SLMAP: variants seen among roughly 807,000 people sequenced by gnomAD.
SLMAP encodes the protein sarcolemmal membrane-associated protein.
In SLMAP, 44 loss-of-function variants were observed where a neutral mutation model predicts 128.8. That is an observed-to-expected ratio of 0.34 (90% CI 0.27 to 0.44). The LOEUF (loss-of-function observed/expected upper bound fraction) is 0.44. Ranked by LOEUF, SLMAP falls within the 20% of genes least tolerant of loss-of-function variation. The pLI is 1.00. For synonymous variants in SLMAP, 327 were observed against 348.8 expected (o/e 0.94, Z 0.70); for missense variants, 787 against 985.3 (o/e 0.80, Z 2.69).
rs143175640 is a variant in SLMAP at position 57,766,637 on chromosome 3, A to G, written c.198+8788A>G. On this transcript the variant is annotated intron_variant, in intron 2 of 24. Coordinates refer to ENST00000671191, the MANE Select transcript of SLMAP (RefSeq NM_001377540.1). ...TGCCTCATTAATTTTTAGCATTAAA[A>G]TCTATATCTTATTTTCTTTTTTTCT... Among the ~76,000 whole-genome samples the G allele has an allele frequency of 4.3e-3, 650 of 152,230 alleles. 2 individuals carry two copies. The highest frequency in any genetic ancestry group is 0.014 in the Middle Eastern group (4 of 294).
chr3:57,809,615 C>A (rs2090563376), intron 2 of SLMAP, among the ~76,000 whole-genome samples: 1 of 152,186 alleles, frequency 6.6e-6, no homozygotes, highest in Non-Finnish European at 1.5e-5. Flanking sequence ...ACCTTCAGAC[C>A]AGTGAGGGCC....
chr3:57,923,914 G>A (rs1355792806), intron 23 of SLMAP, among the ~76,000 whole-genome samples: 1 of 152,248 alleles, frequency 6.6e-6, no homozygotes, highest in African/African-American at 2.4e-5. Context: ...AAGTCTTGCT[G>A]CTTAGGTAGA....
chr3:57,830,292 GCCA>G (rs1475488154), intron 2 of SLMAP, among the ~76,000 whole-genome samples: 1 of 152,326 alleles, frequency 6.6e-6, no homozygotes, highest in East Asian at 1.9e-4. Flanking sequence ...ACAGGCGTGA[GCCA>G]CCACACCTGG....
At chr3:57,914,483 G>C (rs1484611158) in intron 21 of SLMAP, among the ~76,000 whole-genome samples, 1 of 151,928 alleles carries the variant, frequency 6.6e-6, no homozygotes, top group Non-Finnish European at 1.5e-5. Flanking sequence ...AAATAGGAAT[G>C]GGACAAAATA....
chr3:57,859,898 C>T (rs533763984), intron 8 of SLMAP, among the ~76,000 whole-genome samples: 17 of 152,194 alleles, frequency 1.1e-4, no homozygotes, highest in East Asian at 9.6e-4. Flanking sequence ...ATGTTTTCTA[C>T]GGGGAAAGCA....
intron 17 of SLMAP, among the ~76,000 whole-genome samples, chr3:57,906,052 A>T (rs1316862092): frequency 7.5e-6 from 1 of 133,502 alleles, no homozygotes; most frequent in African/African-American, 3.0e-5. Flanking sequence ...ATACTCCTTA[A>T]AAAAAAAAAA....
At chr3:57,833,139 T>G (rs148412659) in intron 3 of SLMAP, among the ~76,000 whole-genome samples, 2 of 152,312 alleles carry the variant, frequency 1.3e-5, no homozygotes, top group African/African-American at 4.8e-5. Context: ...AGGGAATTAT[T>G]AGGTGTTGAT....
intron 15 of SLMAP, among the ~76,000 whole-genome samples, chr3:57,895,149 TA>T (rs1045256250): frequency 6.6e-5 from 10 of 150,998 alleles, no homozygotes; most frequent in African/African-American, 2.2e-4. Flanking sequence ...AGGAATTCCA[TA>T]GTATGTACAG....
intron 5 of SLMAP, among the ~76,000 whole-genome samples, chr3:57,848,146 C>T (rs541454305): frequency 3.3e-5 from 5 of 151,908 alleles, no homozygotes; most frequent in South Asian, 4.2e-4. Flanking sequence ...CCCAGTAGTC[C>T]TTCTTCCTTC....
At chr3:57,763,788 C>A (rs1175122948) in intron 2 of SLMAP, among the ~76,000 whole-genome samples, 3 of 152,072 alleles carry the variant, frequency 2.0e-5, no homozygotes, top group African/African-American at 7.2e-5. Flanking sequence ...TGACATTTGA[C>A]TTTAAAATTA....
Position 57,892,238 on chromosome 3 carries a change from T to C in SLMAP, c.1360+2138T>C, listed in dbSNP as rs151193936. ...TGGCTAAATTGTCTTTAATTGGCAA[T>C]GTTTTTGGTGGAATTTTCTTGTTTG... On this transcript the variant is annotated intron_variant, in intron 15 of 24. Transcript: ENST00000671191. Among the ~76,000 whole-genome samples, 126 of 152,292 alleles carry C rather than the reference T, an allele frequency of 8.3e-4. 1 individual carries two copies. Among genetic ancestry groups the C allele is most frequent in the African/African-American group, 2.6e-3 (107 of 41,574 alleles).
intron 5 of SLMAP, among the ~76,000 whole-genome samples, chr3:57,849,331 T>C (rs770837151): frequency 6.6e-6 from 1 of 152,220 alleles, no homozygotes; most frequent in Non-Finnish European, 1.5e-5. Flanking sequence ...ACACCATTAC[T>C]TCCCATCTTT....
Position 57,890,029 on chromosome 3 carries a change from T to C in SLMAP, c.1301-12T>C, listed in dbSNP as rs376904413. On this transcript the variant is annotated splice_polypyrimidine_tract_variant and intron_variant, in intron 14 of 24. Coordinates refer to ENST00000671191, the MANE Select transcript of SLMAP (RefSeq NM_001377540.1). Reference sequence around the variant, plus strand: ...TTTGGGCTTGGATGGTAACGTTTATTTTCCTTGGCAGAGAAGCTGATCGTC... The same window carrying C: ...TTTGGGCTTGGATGGTAACGTTTATCTTCCTTGGCAGAGAAGCTGATCGTC... 187 of 1,605,282 alleles carry C rather than the reference T, an allele frequency of 1.2e-4. 2 individuals are homozygous for C. The South Asian group carries it at 1.9e-3, about 16-fold the overall frequency.
intron 17 of SLMAP, chr3:57,902,010 G>A (rs528243369): frequency 1.3e-5 from 2 of 152,258 alleles, no homozygotes; most frequent in South Asian, 4.1e-4. Context: ...TCCAGCCTGG[G>A]TGACACAGCG....
At chr3:57,834,380 G>A (rs567984230) in intron 3 of SLMAP, among the ~76,000 whole-genome samples, 28 of 151,822 alleles carry the variant, frequency 1.8e-4, no homozygotes, top group African/African-American at 6.8e-4. Context: ...AAATACTAGC[G>A]AAAATATACA....
intron 5 of SLMAP, 146 bp downstream of exon 5, chr3:57,847,379 T>A: frequency 1.8e-6 from 1 of 543,268 alleles, no homozygotes; most frequent in South Asian, 2.9e-5. Context: ...TATTATAATC[T>A]TCTGATCTTC....
chr3:57,899,324 A>G (rs2096312856), intron 17 of SLMAP: 1 of 152,206 alleles, frequency 6.6e-6, no homozygotes, highest in African/African-American at 2.4e-5. Flanking sequence ...AAAATACAAG[A>G]TGCATGTGGA....
At chr3:57,758,782 T>C (rs1461556337) in intron 2 of SLMAP, among the ~76,000 whole-genome samples, 1 of 152,148 alleles carries the variant, frequency 6.6e-6, no homozygotes, top group Non-Finnish European at 1.5e-5. Flanking sequence ...AACTGTTTAT[T>C]TATGTTTGTG....
chr3:57,795,882 C>T (rs2086626337), intron 2 of SLMAP, among the ~76,000 whole-genome samples: 2 of 151,996 alleles, frequency 1.3e-5, no homozygotes, highest in Admixed American at 1.3e-4. Flanking sequence ...GTCTCTAGGA[C>T]TTTGCCTATT....
Sources: gnomAD v4.1 joint callset for allele counts (sites outside exome capture counted in the v4.1 genomes callset) on GRCh38, gnomAD v4.1.1 for gene constraint, MANE v1.5 for transcripts, NCBI Gene and HGNC (gene_info 2026-07-23, HGNC 2026-07-21) for gene names.